Variants in DCLK3 observed in about 807,000 individuals in gnomAD.
The protein encoded by DCLK3 is doublecortin like kinase 3.
A neutral mutation model predicts 46.4 loss-of-function variants in DCLK3; 30 were observed. The ratio of observed to expected loss-of-function variants is 0.65; its 90% confidence interval spans 0.48 to 0.88. DCLK3 has a LOEUF of 0.88. Ranked by LOEUF, DCLK3 falls within the 40% of genes least tolerant of loss-of-function variation. DCLK3 has a pLI of 0.00. For missense variants in DCLK3, 846 were observed against 907.1 expected (o/e 0.93, Z 0.87); for synonymous variants, 401 against 339.2 (o/e 1.18, Z -2.00).
chr3:36,757,039 C>T (rs1306541779), intron 1 of DCLK3, among the ~76,000 whole-genome samples: 2 of 152,056 alleles, frequency 1.3e-5, no homozygotes, highest in Non-Finnish European at 2.9e-5. Flanking sequence ...TGGCAATCTG[C>T]TCATGTTGCT....
chr3:36,749,182 A>G (rs1247295973), intron 1 of DCLK3, among the ~76,000 whole-genome samples: 1 of 152,256 alleles, frequency 6.6e-6, no homozygotes, highest in Non-Finnish European at 1.5e-5. Context: ...GGAGATTCAT[A>G]GTAACCTTGA....
At chr3:36,752,447 T>C (rs1701450420) in intron 1 of DCLK3, among the ~76,000 whole-genome samples, 1 of 152,198 alleles carries the variant, frequency 6.6e-6, no homozygotes. Flanking sequence ...ACCCTCACCA[T>C]TGCCCAAAAT....
Position 36,737,125 on chromosome 3 carries a change from G to T in DCLK3, c.1959+83C>A. 1 of 1,483,568 alleles carries T rather than the reference G, an allele frequency of 6.7e-7. No individual in the cohort carries two copies. Among genetic ancestry groups the T allele is most frequent in the Non-Finnish European group, 9.0e-7 (1 of 1,112,134 alleles). 91.9% of individuals were successfully genotyped at this position (1,483,568 alleles called of 1,614,324 possible). A position where few individuals can be genotyped will look rare whatever the true frequency, so the allele number is the denominator to read the frequency against. ...AAGTAAAATTCTAGTGTGTAAAGGTGACAGAGTATAAAACAATTAATATCA... is the reference window on the plus strand; with the variant it reads ...AAGTAAAATTCTAGTGTGTAAAGGTTACAGAGTATAAAACAATTAATATCA... On this transcript the variant is annotated intron_variant, in intron 2 of 4. Coordinates refer to ENST00000636136, the MANE Select transcript of DCLK3 (RefSeq NM_001394672.2). This position sits in a 1 kb window ranked among gnomAD's most constrained non-coding sequence, Gnocchi z 4.4.
intron 2 of DCLK3, among the ~76,000 whole-genome samples, chr3:36,735,278 C>T (rs977935745): frequency 2.0e-5 from 3 of 152,036 alleles, no homozygotes; most frequent in Non-Finnish European, 4.4e-5. Flanking sequence ...TGGGCTCAGA[C>T]CCAAAAGACG....
chr3:36,737,970 C>T lies in DCLK3; in HGVS notation c.1197G>A (p.Glu399=), dbSNP rs1021174258. The T allele has an allele frequency of 6.2e-7, 1 of 1,614,160 alleles. No homozygotes were observed. The highest frequency in any genetic ancestry group is 8.5e-7 in the Non-Finnish European group (1 of 1,180,024). The change falls in exon 2 of 5, where the codon GAG becomes GAA. Residue 399 remains glutamate (E), a synonymous_variant. Transcript: ENST00000636136. The surrounding 1 kb of genome is among the most constrained non-coding windows in gnomAD (Gnocchi z 4.4). ...SMDKKEDRGP[E]DQESHAQGAA... Reference sequence around the variant, plus strand: ...CTCCCTGAGCATGGCTTTCTTGATCCTCTGGGCCTCTGTCCTCTTTCTTGT... The same window carrying T: ...CTCCCTGAGCATGGCTTTCTTGATCTTCTGGGCCTCTGTCCTCTTTCTTGT...
intron 2 of DCLK3, among the ~76,000 whole-genome samples, chr3:36,736,520 G>C (rs1326432642): frequency 6.6e-6 from 1 of 152,204 alleles, no homozygotes; most frequent in Non-Finnish European, 1.5e-5. Context: ...TGGCATAGCT[G>C]AGATAAGGGT....
chr3:36,738,459 T>C lies in DCLK3; in HGVS notation c.708A>G (p.Ala236=). ...TETPKSCSEV[A]GCKAAMRHQG... is the part of the protein sequence containing the mutation. ...GGTGCCTCATGGCTGCCTTGCATCC[T>C]GCAACTTCGCTGCAGCTCTTGGGGG... The change falls in exon 2 of 5, where the codon GCA becomes GCG. Residue 236 remains alanine, a synonymous_variant. Transcript: ENST00000636136. The C allele has an allele frequency of 6.8e-7, 1 of 1,475,502 alleles. No homozygotes were observed. The highest frequency in any genetic ancestry group is 9.0e-7 in the Non-Finnish European group (1 of 1,113,794). 91.4% of individuals were successfully genotyped at this position (1,475,502 alleles called of 1,614,324 possible).
chr3:36,726,129 C>T (rs986831423), intron 2 of DCLK3, among the ~76,000 whole-genome samples: 1 of 151,962 alleles, frequency 6.6e-6, no homozygotes, highest in African/African-American at 2.4e-5. Flanking sequence ...GGGCGCAAAC[C>T]CAGCATATCT....
chr3:36,753,962 G>A (rs987298121), intron 1 of DCLK3, among the ~76,000 whole-genome samples: 2 of 152,184 alleles, frequency 1.3e-5, no homozygotes, highest in African/African-American at 4.8e-5. Context: ...TTATAGGTGT[G>A]AGTCACGATG....
chr3:36,745,663 G>A (rs1701388045), intron 1 of DCLK3, among the ~76,000 whole-genome samples: 1 of 152,188 alleles, frequency 6.6e-6, no homozygotes, highest in South Asian at 2.1e-4. Flanking sequence ...TGCTGAGAGA[G>A]TATTCATGTC....
At chr3:36,715,905 T>C (rs1276229591) in intron 4 of DCLK3, among the ~76,000 whole-genome samples, 1 of 152,136 alleles carries the variant, frequency 6.6e-6, no homozygotes, top group Non-Finnish European at 1.5e-5. Flanking sequence ...ACTCTTAACA[T>C]CCCTGGCACT....
intron 2 of DCLK3, among the ~76,000 whole-genome samples, chr3:36,722,217 G>A (rs1701069806): frequency 6.6e-6 from 1 of 152,200 alleles, no homozygotes; most frequent in South Asian, 2.1e-4. Flanking sequence ...GCAGGGGTGA[G>A]GGGGAGATAG....
At chr3:36,759,858 C>T (rs1701522866) in intron 1 of DCLK3, among the ~76,000 whole-genome samples, 1 of 152,192 alleles carries the variant, frequency 6.6e-6, no homozygotes, top group Non-Finnish European at 1.5e-5. Context: ...CCTGCCTCTC[C>T]ATTACCCTAA....
At chr3:36,745,922 C>T (rs967397121) in intron 1 of DCLK3, among the ~76,000 whole-genome samples, 9 of 152,176 alleles carry the variant, frequency 5.9e-5, no homozygotes, top group South Asian at 2.1e-4. Context: ...GCTACTGTTT[C>T]GTAACTCAGA....
chr3:36,729,608 ACCT>A (rs1701172969), intron 2 of DCLK3: 1 of 152,186 alleles, frequency 6.6e-6, no homozygotes, highest in Non-Finnish European at 1.5e-5. Flanking sequence ...CTTCAATGGT[ACCT>A]CAATTTAAAT....
intron 1 of DCLK3, among the ~76,000 whole-genome samples, chr3:36,760,821 T>G (rs1701533069): frequency 6.6e-6 from 1 of 152,236 alleles, no homozygotes; most frequent in Non-Finnish European, 1.5e-5. Context: ...AAGGTAACTT[T>G]AATAACAATA....
intron 1 of DCLK3, among the ~76,000 whole-genome samples, chr3:36,763,892 G>A (rs550535966): frequency 8.4e-4 from 128 of 152,348 alleles, no homozygotes; most frequent in African/African-American, 3.0e-3. Flanking sequence ...TTCCCAGGAA[G>A]GGCCCCCCTG....
At chr3:36,736,706 C>A (rs1396689365) in intron 2 of DCLK3, among the ~76,000 whole-genome samples, 1 of 152,208 alleles carries the variant, frequency 6.6e-6, no homozygotes, top group African/African-American at 2.4e-5. Context: ...AGGATTCAAA[C>A]CCAAGTTATC....
intron 2 of DCLK3, among the ~76,000 whole-genome samples, chr3:36,727,380 T>C (rs79261935): frequency 1.2e-3 from 180 of 152,302 alleles, no homozygotes; most frequent in African/African-American, 4.1e-3. Context: ...AAGTGAAACA[T>C]TACCTTCCTC....
Sources: gnomAD v4.1 joint callset for allele counts (sites outside exome capture counted in the v4.1 genomes callset) on GRCh38, gnomAD v4.1.1 for gene constraint, Gnocchi (gnomAD v3.1) non-coding constraint, MANE v1.5 for transcripts, NCBI Gene and HGNC (gene_info 2026-07-23, HGNC 2026-07-21) for gene names.